The following DYNC1I1 variants were observed in gnomAD, a reference collection of about 807,000 sequenced individuals.
DYNC1I1 encodes the protein dynein cytoplasmic 1 intermediate chain 1, also known as cytoplasmic dynein 1 intermediate chain 1.
A neutral mutation model predicts 86.6 loss-of-function variants in DYNC1I1; 43 were observed. The ratio of observed to expected loss-of-function variants is 0.50; its 90% CI spans 0.39 to 0.64. The LOEUF (loss-of-function observed/expected upper bound fraction) is 0.64. DYNC1I1 is among the 30% of genes least tolerant of loss of function. The pLI, the probability that DYNC1I1 is intolerant of heterozygous loss-of-function variation, is 0.00. For missense variants in DYNC1I1, 604 were observed against 788.8 expected, an observed-to-expected ratio of 0.77 and a Z score of 2.81; for synonymous variants, 262 against 283.7, an observed-to-expected ratio of 0.92 and a Z score of 0.77.
At chr7:96,029,616 C>T (rs1168664000) in intron 11 of DYNC1I1, among the ~76,000 whole-genome samples, 1 of 152,062 alleles carries the variant, frequency 6.6e-6, no homozygotes, top group African/African-American at 2.4e-5. Context: ...GATGTTATTT[C>T]TGTTAGAAAA....
chr7:95,848,304 T>C (rs1562920624), intron 5 of DYNC1I1, among the ~76,000 whole-genome samples: 1 of 149,848 alleles, frequency 6.7e-6, no homozygotes, highest in Non-Finnish European at 1.5e-5. Flanking sequence ...CCTATAGTCA[T>C]CATGTTATAC....
intron 6 of DYNC1I1, among the ~76,000 whole-genome samples, chr7:95,910,324 C>T (rs1269533790): frequency 6.6e-6 from 1 of 152,208 alleles, no homozygotes; most frequent in Non-Finnish European, 1.5e-5. Context: ...AATGCTACCC[C>T]CATCTGTTCC....
intron 6 of DYNC1I1, among the ~76,000 whole-genome samples, chr7:95,899,507 C>T (rs1790978025): frequency 1.3e-5 from 2 of 152,146 alleles, no homozygotes; most frequent in Non-Finnish European, 2.9e-5. Flanking sequence ...TCCAGATGGC[C>T]AGGTCTGATG....
chr7:95,952,265 ACT>A (rs1160974442), intron 6 of DYNC1I1, among the ~76,000 whole-genome samples: 1 of 151,796 alleles, frequency 6.6e-6, no homozygotes, highest in African/African-American at 2.4e-5. Flanking sequence ...CATCCTTGTG[ACT>A]CTCAGATTTG....
chr7:96,096,846 A>C (rs1229777079), intron 16 of DYNC1I1, among the ~76,000 whole-genome samples: 1 of 152,110 alleles, frequency 6.6e-6, no homozygotes, highest in African/African-American at 2.4e-5. Flanking sequence ...CTAATATAGG[A>C]ATGTGAGGCA....
chr7:96,099,636 GGAGA>G (rs540352035), downstream of DYNC1I1, among the ~76,000 whole-genome samples: 2 of 152,082 alleles, frequency 1.3e-5, no homozygotes, highest in Non-Finnish European at 2.9e-5. Flanking sequence ...CACATGGTGA[GGAGA>G]GAGAGAGATG....
At chr7:95,967,919 C>T (rs1045271663) in intron 6 of DYNC1I1, among the ~76,000 whole-genome samples, 13 of 151,964 alleles carry the variant, frequency 8.6e-5, no homozygotes, top group Non-Finnish European at 1.8e-4. Flanking sequence ...CATGCTTGTG[C>T]GGGGGTGAAC....
Position 96,105,420 on chromosome 7 carries a change from G to A in DYNC1I1, c.1543-4559G>A, listed in dbSNP as rs55732587. ...CTTCTTTTCTGCATCTGTTGACACG[G>A]TCACATAATTTTTATCCTTTATTCT... On this transcript the variant is annotated intron_variant, in intron 16 of 16. Transcript: ENST00000537881. 5.6e-3 allele frequency among the ~76,000 whole-genome samples: 852 copies of A among 151,850 alleles called. 8 individuals carry two copies. The highest frequency in any genetic ancestry group is 0.02 in the African/African-American group (824 of 41,428).
At chr7:95,934,578 G>A (rs747783197) in intron 6 of DYNC1I1, among the ~76,000 whole-genome samples, 3 of 152,100 alleles carry the variant, frequency 2.0e-5, no homozygotes, top group Non-Finnish European at 2.9e-5. Flanking sequence ...CATATGAACA[G>A]AGAATGAAGG....
At chr7:96,090,404 G>A (rs1003422486) in intron 16 of DYNC1I1, among the ~76,000 whole-genome samples, 4 of 151,806 alleles carry the variant, frequency 2.6e-5, no homozygotes, top group Admixed American at 6.6e-5. Flanking sequence ...TTCTATATTC[G>A]CTGGCTTATT....
downstream of DYNC1I1, among the ~76,000 whole-genome samples, chr7:96,100,829 A>AG (rs774853735): frequency 1.5e-4 from 23 of 152,266 alleles, no homozygotes; most frequent in Non-Finnish European, 2.9e-4. Context: ...AGGAATAAAG[A>AG]GGTTGAAGGA....
chr7:95,939,520 C>A (rs1792141977), intron 6 of DYNC1I1, among the ~76,000 whole-genome samples: 1 of 151,810 alleles, frequency 6.6e-6, no homozygotes, highest in South Asian at 2.1e-4. Context: ...ATTAGCTCTT[C>A]TTGTTGAATT....
chr7:96,015,934 GT>G (rs1794390072), intron 10 of DYNC1I1, among the ~76,000 whole-genome samples: 1 of 152,094 alleles, frequency 6.6e-6, no homozygotes, highest in South Asian at 2.1e-4. Context: ...CAAAGTAGCA[GT>G]TTATCAATAG....
intron 16 of DYNC1I1, among the ~76,000 whole-genome samples, chr7:96,081,432 G>A (rs1156353936): frequency 6.6e-6 from 1 of 151,970 alleles, no homozygotes; most frequent in Non-Finnish European, 1.5e-5. Context: ...ACTTAAGATT[G>A]TGTGTTTATT....
chr7:95,985,544 C>T (rs1461124742), intron 8 of DYNC1I1, among the ~76,000 whole-genome samples: 4 of 152,156 alleles, frequency 2.6e-5, no homozygotes, highest in African/African-American at 9.7e-5. Flanking sequence ...ATGACTTCCT[C>T]TGTGACTGTA....
Position 96,039,391 on chromosome 7 carries a change from TGACTG to T in DYNC1I1, c.1485_1489del (p.Trp495CysfsTer16). On this transcript the variant is annotated frameshift_variant, in exon 14 of 17. Coordinates refer to ENST00000447467, the MANE Select transcript of DYNC1I1 (RefSeq NM_001135556.2). LOFTEE classifies it high-confidence loss of function. ...CTCACCTGTTTGTCACATCATCATT[TGACTG>T]GACTGTCAAACTGTGGACCACCAAG... 1 of 1,614,084 alleles carries T rather than the reference TGACTG, an allele frequency of 6.2e-7. No homozygotes were observed. Among genetic ancestry groups the T allele is most frequent in the East Asian group, 2.2e-5 (1 of 44,858 alleles).
intron 16 of DYNC1I1, among the ~76,000 whole-genome samples, chr7:96,095,610 T>A (rs1449231832): frequency 1.3e-5 from 2 of 152,156 alleles, no homozygotes; most frequent in African/African-American, 2.4e-5. Context: ...AAGTTATAAA[T>A]GTGTTACCAT....
chr7:96,090,521 T>TA (rs11409738), intron 16 of DYNC1I1, among the ~76,000 whole-genome samples: 62,619 of 148,658 alleles, frequency 0.42, 13,612 homozygotes, highest in African/African-American at 0.55. Flanking sequence ...AGTGTTACTG[T>TA]AAAAAAAAAA....
At chr7:96,086,282 A>G (rs767832685) in intron 16 of DYNC1I1, among the ~76,000 whole-genome samples, 2 of 152,198 alleles carry the variant, frequency 1.3e-5, no homozygotes, top group Non-Finnish European at 2.9e-5. Flanking sequence ...GAAGCAGTTT[A>G]TCTTCCACCT....
Sources: gnomAD v4.1 joint callset for allele counts (sites outside exome capture counted in the v4.1 genomes callset) on GRCh38, gnomAD v4.1.1 for gene constraint, MANE v1.5 for transcripts, NCBI Gene and HGNC (gene_info 2026-07-23, HGNC 2026-07-21) for gene names.